Variants in SGCZ observed in about 807,000 individuals in gnomAD.
SGCZ encodes the protein zeta-sarcoglycan.
SGCZ carries 40 observed loss-of-function variants against 41.3 expected under a neutral mutation model. The ratio of observed to expected loss-of-function variants is 0.97; its 90% CI spans 0.75 to 1.26. SGCZ has a LOEUF of 1.26. Among genes scored for constraint, SGCZ ranks in the 50% most tolerant of loss-of-function variants. The probability of loss-of-function intolerance (pLI) is 0.00; values close to 1 mark genes in which losing one functional copy is unlikely to be tolerated. For missense variants in SGCZ, 552 were observed against 369.8 expected (o/e 1.49, Z -4.04); for synonymous variants, 206 against 137.5 (o/e 1.50, Z -3.49).
intron 4 of SGCZ, among the ~76,000 whole-genome samples, chr8:14,221,228 G>T (rs1806184389): frequency 6.6e-6 from 1 of 152,142 alleles, no homozygotes; most frequent in African/African-American, 2.4e-5. Context: ...AGGGAGATTT[G>T]GTTCACTTCT....
chr8:14,680,571 A>G (rs1283889757), intron 1 of SGCZ, among the ~76,000 whole-genome samples: 1 of 152,056 alleles, frequency 6.6e-6, no homozygotes, highest in Admixed American at 6.6e-5. Flanking sequence ...TCTCACAGAT[A>G]TAATTAGTGA....
intron 1 of SGCZ, among the ~76,000 whole-genome samples, chr8:14,822,336 G>A (rs1253190466): frequency 4.6e-5 from 7 of 152,116 alleles, no homozygotes; most frequent in Non-Finnish European, 7.4e-5. Context: ...AGAAATTGAA[G>A]ATGACAGAAT....
chr8:14,632,050 T>A (rs1806672737), intron 1 of SGCZ, among the ~76,000 whole-genome samples: 1 of 79,586 alleles, frequency 1.3e-5, no homozygotes, highest in Non-Finnish European at 2.8e-5. Context: ...TAGGGTCTTG[T>A]TCTGTTGCAG....
intron 1 of SGCZ, among the ~76,000 whole-genome samples, chr8:14,821,296 A>G (rs539224470): frequency 6.6e-6 from 1 of 152,068 alleles, no homozygotes; most frequent in South Asian, 2.1e-4. Context: ...GAACAGAACA[A>G]TAATGAGAGA....
intron 1 of SGCZ, among the ~76,000 whole-genome samples, chr8:14,820,730 C>T (rs978828064): frequency 1.3e-5 from 2 of 151,710 alleles, no homozygotes; most frequent in African/African-American, 2.4e-5. Context: ...CAACTTGTTC[C>T]TTTGAAACCA....
At chr8:15,096,773 C>A (rs1213621835) in intron 1 of SGCZ, among the ~76,000 whole-genome samples, 1 of 152,074 alleles carries the variant, frequency 6.6e-6, no homozygotes, top group African/African-American at 2.4e-5. Context: ...GTAACCTCCA[C>A]CTCCAGAGTT....
At chr8:15,151,357 C>G (rs564813930) in intron 1 of SGCZ, among the ~76,000 whole-genome samples, 87 of 152,326 alleles carry the variant, frequency 5.7e-4, no homozygotes, top group African/African-American at 2.0e-3. Flanking sequence ...TCAAGCCATT[C>G]AACTCTGGAG....
chr8:14,362,146 A>G (rs536765076), intron 2 of SGCZ, among the ~76,000 whole-genome samples: 18 of 151,902 alleles, frequency 1.2e-4, no homozygotes, highest in African/African-American at 4.1e-4. Context: ...TGGGTCTGGG[A>G]CCCCCTTGAG....
intron 1 of SGCZ, among the ~76,000 whole-genome samples, chr8:14,656,909 T>G (rs1807595894): frequency 6.6e-6 from 1 of 151,918 alleles, no homozygotes; most frequent in Admixed American, 6.6e-5. Flanking sequence ...ATAAATACTT[T>G]AAAAATTAAA....
Position 14,973,460 on chromosome 8 carries a change from G to A in SGCZ, c.39+264125C>T, listed in dbSNP as rs191152575. Among the ~76,000 whole-genome samples, 6 of 152,246 alleles carry A rather than the reference G, an allele frequency of 3.9e-5. No individual in the cohort carries two copies. In the East Asian group the frequency reaches 5.8e-4, roughly 15 times the overall value. Reference sequence around the variant, plus strand: ...GAATGTCCTACTCAGTACTGCTCCCGCTTGCCTATGCCAATTGTCTTGAAT... The same window carrying A: ...GAATGTCCTACTCAGTACTGCTCCCACTTGCCTATGCCAATTGTCTTGAAT... On this transcript the variant is annotated intron_variant, in intron 1 of 7. Transcript: ENST00000382080.
At chr8:14,323,987 A>G (rs1368981732) in intron 3 of SGCZ, 116 bp downstream of exon 3, 3 of 630,976 alleles carry the variant, frequency 4.8e-6, no homozygotes, top group Admixed American at 3.1e-5. Context: ...ATAGGTGTTT[A>G]GCTTAAGGAA....
chr8:15,153,665 C>T (rs765961200), intron 1 of SGCZ, among the ~76,000 whole-genome samples: 2 of 152,042 alleles, frequency 1.3e-5, no homozygotes, highest in East Asian at 3.9e-4. Context: ...ACTTTCCCCC[C>T]ACCCTCTCTC....
At chr8:14,357,451 G>A (rs1803338932) in intron 2 of SGCZ, among the ~76,000 whole-genome samples, 1 of 152,164 alleles carries the variant, frequency 6.6e-6, no homozygotes. Flanking sequence ...ACAATAATCA[G>A]TGATTCAAAT....
At chr8:15,086,320 T>TA (rs1176048911) in intron 1 of SGCZ, among the ~76,000 whole-genome samples, 3 of 152,166 alleles carry the variant, frequency 2.0e-5, no homozygotes, top group Non-Finnish European at 4.4e-5. Context: ...TAAAGACACA[T>TA]AAGCTTGGGT....
In SGCZ at chr8:14,748,117, G is replaced by A. The variant is rs200518650; in HGVS notation, c.40-193191C>T. Among the ~76,000 whole-genome samples, 12 of 152,102 alleles carry A rather than the reference G, an allele frequency of 7.9e-5. No individual in the cohort carries two copies. In the East Asian group the frequency reaches 2.3e-3, roughly 29 times the overall value. ...CACATACGCTTCTCAAAGGCTTCCC[G>A]TGTGTCCAAGCTTCATGAATATTAA... is the stretch of plus-strand genomic sequence containing the variant. On this transcript the variant is annotated intron_variant, in intron 1 of 7. Coordinates refer to ENST00000382080, the MANE Select transcript of SGCZ (RefSeq NM_139167.4).
At chr8:14,741,446 G>C (rs1231129937) in intron 1 of SGCZ, among the ~76,000 whole-genome samples, 1 of 151,846 alleles carries the variant, frequency 6.6e-6, no homozygotes, top group African/African-American at 2.4e-5. Flanking sequence ...ACTTTTGTTT[G>C]TTTTACGTTT....
chr8:14,463,848 G>A (rs1800972258), intron 2 of SGCZ, among the ~76,000 whole-genome samples: 1 of 151,150 alleles, frequency 6.6e-6, no homozygotes, highest in Non-Finnish European at 1.5e-5. Context: ...CTTGCCAAAT[G>A]TTTGTTTGTT....
rs1348903804 is a variant in SGCZ at position 14,088,535 on chromosome 8, CTTATA to C, written c.*1903_*1907del. On this transcript the variant is annotated 3_prime_UTR_variant, in exon 8 of 8. Transcript: ENST00000382080. ...TTTTGCAAAGACCAATGTGAGATTT[CTTATA>C]TTAAATTCTCTTATTTTAATATAAA... Among the ~76,000 whole-genome samples, 1 of 151,648 alleles carries C rather than the reference CTTATA, an allele frequency of 6.6e-6. No individual in the cohort carries two copies. The highest frequency in any genetic ancestry group is 2.4e-5 in the African/African-American group (1 of 41,358).
chr8:14,594,662 T>C (rs909067746), intron 1 of SGCZ, among the ~76,000 whole-genome samples: 1 of 151,910 alleles, frequency 6.6e-6, no homozygotes, highest in Non-Finnish European at 1.5e-5. Context: ...TCAGGCACTC[T>C]AAAAGGGCAT....
Sources: gnomAD v4.1 joint callset for allele counts (sites outside exome capture counted in the v4.1 genomes callset) on GRCh38, gnomAD v4.1.1 for gene constraint, MANE v1.5 for transcripts, NCBI Gene and HGNC (gene_info 2026-07-23, HGNC 2026-07-21) for gene names.